SFMBT1: variants seen among roughly 807,000 people sequenced by gnomAD.
The protein encoded by SFMBT1 is scm-like with four MBT domains protein 1.
In SFMBT1, 32 loss-of-function variants were observed where a neutral mutation model predicts 108.7. The ratio of observed to expected loss-of-function variants is 0.29; its 90% confidence interval spans 0.22 to 0.40. The LOEUF is 0.40. Ranked by LOEUF, SFMBT1 falls within the 10% of genes least tolerant of loss-of-function variation. The pLI, the probability that SFMBT1 is intolerant of heterozygous loss-of-function variation, is 1.00. For synonymous variants in SFMBT1, 348 were observed against 369.5 expected (o/e 0.94, Z 0.67); for missense variants, 816 against 1,059.6 (o/e 0.77, Z 3.19).
chr3:52,921,313 G>A (rs568119202), intron 11 of SFMBT1, among the ~76,000 whole-genome samples: 1 of 152,094 alleles, frequency 6.6e-6, no homozygotes, highest in Non-Finnish European at 1.5e-5. Context: ...ATTACTTTTA[G>A]CACAGTTTAC....
intron 1 of SFMBT1, among the ~76,000 whole-genome samples, chr3:53,013,342 T>C (rs1278489801): frequency 6.6e-6 from 1 of 151,692 alleles, no homozygotes; most frequent in Non-Finnish European, 1.5e-5. Flanking sequence ...AGGGAACAGG[T>C]AAACTTAGAA....
intron 2 of SFMBT1, among the ~76,000 whole-genome samples, chr3:52,966,934 T>C (rs1169087203): frequency 6.8e-6 from 1 of 146,700 alleles, no homozygotes; most frequent in African/African-American, 2.5e-5. Context: ...TTTAATAAAA[T>C]GAAGATTGTG....
Position 53,045,926 on chromosome 3 carries a change from C to T in SFMBT1, c.-241G>A, listed in dbSNP as rs1700224765. On this transcript the variant is annotated 5_prime_UTR_variant, in exon 1 of 21. Transcript: ENST00000394752. ...TCGCTCCCCCGCGCGGAAGCTTTTT[C>T]CTCCCGTGCTGCCCGCGCTCGCCCG... is the stretch of plus-strand genomic sequence containing the variant. 6.6e-6 allele frequency: 1 copy of T among 151,020 alleles called. No individual in the cohort carries two copies. The highest frequency in any genetic ancestry group is 2.4e-5 in the African/African-American group (1 of 41,170). The allele number at this position is 151,020 out of a possible 1,614,324, so 9.4% of individuals were successfully genotyped here.
chr3:52,932,316 A>G lies in SFMBT1; in HGVS notation c.454-8T>C, dbSNP rs952470636. The G allele has an allele frequency of 3.1e-6, 5 of 1,604,242 alleles. No individual in the cohort carries two copies. Among genetic ancestry groups the G allele is most frequent in the Non-Finnish European group, 4.3e-6 (5 of 1,176,320 alleles). On this transcript the variant is annotated splice_polypyrimidine_tract_variant and splice_region_variant and intron_variant, in intron 5 of 20. Coordinates refer to ENST00000394752, the MANE Select transcript of SFMBT1 (RefSeq NM_016329.4). The stretch of plus-strand genomic sequence containing the variant: ...ATTCCTCCCATTACGGAGCTGTAGG[A>G]TTAAAAAGTAAAACAACCCAGTAAG...
At position 52,934,793 on chromosome 3, in the gene SFMBT1, T is replaced by A; in HGVS notation, c.453+20A>T. ...ATCAGATGGGTTTTCCATGCTGATG[T>A]GGCATGTAGTAATACTCACGCCCTC... On this transcript the variant is annotated intron_variant, in intron 5 of 20. Coordinates refer to ENST00000394752, the MANE Select transcript of SFMBT1 (RefSeq NM_016329.4). The A allele has an allele frequency of 6.3e-7, 1 of 1,586,114 alleles. No homozygotes were observed. The highest frequency in any genetic ancestry group is 1.1e-5 in the South Asian group (1 of 88,046).
At chr3:52,975,361 T>C (rs558428865) in intron 1 of SFMBT1, among the ~76,000 whole-genome samples, 3 of 152,142 alleles carry the variant, frequency 2.0e-5, no homozygotes, top group African/African-American at 7.2e-5. Context: ...GTTGACCCAA[T>C]AGGCCACTGT....
At chr3:52,950,535 C>T (rs979261993) in intron 3 of SFMBT1, among the ~76,000 whole-genome samples, 9 of 152,074 alleles carry the variant, frequency 5.9e-5, no homozygotes, top group Admixed American at 2.6e-4. Context: ...AGTGCAATGG[C>T]GCAATCTCAG....
At chr3:52,977,457 A>G (rs949661779) in intron 1 of SFMBT1, among the ~76,000 whole-genome samples, 1 of 152,120 alleles carries the variant, frequency 6.6e-6, no homozygotes, top group Non-Finnish European at 1.5e-5. Context: ...GTTGCAGTGA[A>G]GCGCACCACT....
chr3:52,935,468 A>G (rs1168674088), intron 4 of SFMBT1, among the ~76,000 whole-genome samples: 1 of 152,206 alleles, frequency 6.6e-6, no homozygotes, highest in African/African-American at 2.4e-5. Flanking sequence ...AAAGCCTAAA[A>G]TATTTACTAT....
intron 1 of SFMBT1, among the ~76,000 whole-genome samples, chr3:53,000,871 A>G (rs1698524247): frequency 6.7e-6 from 1 of 150,306 alleles, no homozygotes; most frequent in African/African-American, 2.4e-5. Context: ...ATACTCAAAT[A>G]TCTACCAATA....
intron 3 of SFMBT1, among the ~76,000 whole-genome samples, chr3:52,951,127 A>AAAAAAG (rs1480063258): frequency 1.1e-5 from 1 of 87,800 alleles, no homozygotes; most frequent in African/African-American, 3.7e-5. Flanking sequence ...AAAAAAAAAA[A>AAAAAAG]AAAAAGAAAA....
chr3:52,954,868 A>G (rs2106834606), intron 2 of SFMBT1, among the ~76,000 whole-genome samples: 1 of 152,294 alleles, frequency 6.6e-6, no homozygotes, highest in East Asian at 1.9e-4. Context: ...TAAAAAAAAA[A>G]AAGTGTCATT....
chr3:52,965,972 C>G (rs1384208684), intron 2 of SFMBT1, among the ~76,000 whole-genome samples: 1 of 128,006 alleles, frequency 7.8e-6, no homozygotes, highest in East Asian at 2.2e-4. Context: ...CGCCACTGCA[C>G]TCCAGCCTGA....
At chr3:52,923,787 A>C (rs1463078929) in intron 10 of SFMBT1, among the ~76,000 whole-genome samples, 1 of 152,174 alleles carries the variant, frequency 6.6e-6, no homozygotes, top group African/African-American at 2.4e-5. Flanking sequence ...AACTTCCAGA[A>C]AGAGAAAAGA....
intron 2 of SFMBT1, among the ~76,000 whole-genome samples, chr3:52,963,493 G>A (rs534346108): frequency 1.3e-5 from 2 of 152,252 alleles, no homozygotes; most frequent in African/African-American, 2.4e-5. Context: ...CTGTCACCCA[G>A]GCTGGAGTGC....
At chr3:52,947,452 C>T (rs1575394197) in intron 3 of SFMBT1, among the ~76,000 whole-genome samples, 1 of 152,062 alleles carries the variant, frequency 6.6e-6, no homozygotes, top group East Asian at 1.9e-4. Context: ...GAAGGTGTGT[C>T]ATGTATCTTA....
In SFMBT1 at chr3:52,940,775, G is replaced by T. The variant is rs1270626698; in HGVS notation, c.364+2578C>A. ...CTTCCAACAAGACACTAACTAAAAA[G>T]CAAAAAATAATACCTTTACGATGAA... On this transcript the variant is annotated intron_variant, in intron 4 of 20. Coordinates refer to ENST00000394752, the MANE Select transcript of SFMBT1 (RefSeq NM_016329.4). 2.0e-5 allele frequency among the ~76,000 whole-genome samples: 3 copies of T among 152,016 alleles called. No homozygotes were observed. In the East Asian group the frequency reaches 5.8e-4, roughly 29 times the overall value.
chr3:52,906,580 T>A (rs910929349), intron 19 of SFMBT1, among the ~76,000 whole-genome samples: 1 of 152,232 alleles, frequency 6.6e-6, no homozygotes, highest in Non-Finnish European at 1.5e-5. Context: ...CTTTACTGCT[T>A]CTGTTCATGG....
chr3:53,027,752 C>T (rs1026737295), intron 1 of SFMBT1, among the ~76,000 whole-genome samples: 3 of 152,160 alleles, frequency 2.0e-5, no homozygotes, highest in African/African-American at 4.8e-5. Flanking sequence ...TATGTAAATT[C>T]GTTAGGCATC....
Sources: gnomAD v4.1 joint callset for allele counts (sites outside exome capture counted in the v4.1 genomes callset) on GRCh38, gnomAD v4.1.1 for gene constraint, MANE v1.5 for transcripts, NCBI Gene and HGNC (gene_info 2026-07-23, HGNC 2026-07-21) for gene names.